The following STK32B variants were observed in gnomAD, a reference collection of about 807,000 sequenced individuals.
STK32B encodes the protein serine/threonine-protein kinase 32B.
A neutral mutation model predicts 52.6 loss-of-function variants in STK32B; 43 were observed. That is an observed-to-expected ratio of 0.82 (90% CI 0.64 to 1.05). STK32B has a LOEUF of 1.05. Among genes scored for constraint, STK32B ranks in the 50% least tolerant of loss-of-function variants. STK32B has a pLI of 0.00. For synonymous variants in STK32B, 238 were observed against 204.3 expected (o/e 1.17, Z -1.41); for missense variants, 621 against 534.6 (o/e 1.16, Z -1.59).
At chr4:5,029,010 A>T in the STK32B span, among the ~76,000 whole-genome samples, 1 of 152,206 alleles carries the variant, frequency 6.6e-6, no homozygotes, top group Non-Finnish European at 1.5e-5. Context: ...GGGTCTCAGG[A>T]GAACTCACTA....
At chr4:5,462,943 G>A (rs1315821325) in intron 9 of STK32B, among the ~76,000 whole-genome samples, 5 of 152,150 alleles carry the variant, frequency 3.3e-5, no homozygotes, top group Middle Eastern at 3.2e-3. Context: ...CAGGGCCCTC[G>A]GAAGGAGACC....
At chr4:5,042,231 T>C in the STK32B span, among the ~76,000 whole-genome samples, 1 of 152,260 alleles carries the variant, frequency 6.6e-6, no homozygotes, top group African/African-American at 2.4e-5. Context: ...CAACCCCTTG[T>C]TAGAGCCACA....
chr4:5,035,793 T>C, the STK32B span, among the ~76,000 whole-genome samples: 1 of 152,004 alleles, frequency 6.6e-6, no homozygotes, highest in Non-Finnish European at 1.5e-5. Flanking sequence ...TTTTTTTTTT[T>C]TTTTTTGAGG....
chr4:5,391,125 A>AT (rs368367900), intron 4 of STK32B, among the ~76,000 whole-genome samples: 1 of 151,476 alleles, frequency 6.6e-6, no homozygotes, highest in Non-Finnish European at 1.5e-5. Context: ...CACCTGGCTA[A>AT]TTTTTTTGTA....
chr4:5,320,707 C>T lies in STK32B; in HGVS notation c.261-10513C>T, dbSNP rs573300114. 7.0e-4 allele frequency among the ~76,000 whole-genome samples: 106 copies of T among 152,208 alleles called. No individual in the cohort carries two copies. The Middle Eastern group carries it at 0.01, about 15-fold the overall frequency. ...ACAAGACCATGTTACTGCAAAAGCCCAAAACTAAAACATCATTAACTATAT... is the reference window on the plus strand; with the variant it reads ...ACAAGACCATGTTACTGCAAAAGCCTAAAACTAAAACATCATTAACTATAT... On this transcript the variant is annotated intron_variant, in intron 3 of 11. Coordinates refer to ENST00000282908, the MANE Select transcript of STK32B (RefSeq NM_018401.3).
intron 6 of STK32B, among the ~76,000 whole-genome samples, chr4:5,436,412 G>C (rs572805508): frequency 2.6e-5 from 4 of 152,304 alleles, no homozygotes; most frequent in African/African-American, 9.6e-5. Flanking sequence ...AAAGGACATG[G>C]ATCCAGTGGC....
chr4:5,312,332 C>T (rs1730349162), intron 3 of STK32B, among the ~76,000 whole-genome samples: 1 of 151,546 alleles, frequency 6.6e-6, no homozygotes, highest in Non-Finnish European at 1.5e-5. Flanking sequence ...TACATGTGCA[C>T]AATGTGCAGG....
intron 4 of STK32B, among the ~76,000 whole-genome samples, chr4:5,397,159 T>C (rs1385225605): frequency 2.6e-5 from 4 of 152,264 alleles, no homozygotes; most frequent in Non-Finnish European, 5.9e-5. Flanking sequence ...GCAGTTGCTC[T>C]TTATTTTGAA....
At chr4:5,090,585 G>T (rs559833775) in intron 1 of STK32B, among the ~76,000 whole-genome samples, 2 of 152,062 alleles carry the variant, frequency 1.3e-5, no homozygotes, top group African/African-American at 4.8e-5. Context: ...GGATGGTCTC[G>T]ATCTCCTGAC....
chr4:5,071,544 G>A (rs1711777071), intron 1 of STK32B, among the ~76,000 whole-genome samples: 1 of 152,096 alleles, frequency 6.6e-6, no homozygotes, highest in Non-Finnish European at 1.5e-5. Context: ...TTATTTTTAA[G>A]CACACTTTCC....
At chr4:5,316,351 A>T (rs1205019499) in intron 3 of STK32B, among the ~76,000 whole-genome samples, 1 of 34,612 alleles carries the variant, frequency 2.9e-5, no homozygotes, top group Non-Finnish European at 3.8e-5. Context: ...ATATTATATC[A>T]TATATTATAT....
chr4:5,337,837 A>G (rs2108964966), intron 4 of STK32B, among the ~76,000 whole-genome samples: 1 of 152,296 alleles, frequency 6.6e-6, no homozygotes, highest in South Asian at 2.1e-4. Context: ...TAATCCTATC[A>G]CCTAAACCCT....
intron 4 of STK32B, among the ~76,000 whole-genome samples, chr4:5,338,017 T>G (rs1732820377): frequency 6.6e-6 from 1 of 152,150 alleles, no homozygotes; most frequent in South Asian, 2.1e-4. Flanking sequence ...TCATTAGAAG[T>G]CTATCATTTA....
chr4:5,353,816 A>G (rs59992451), intron 4 of STK32B, among the ~76,000 whole-genome samples: 1 of 152,206 alleles, frequency 6.6e-6, no homozygotes, highest in Non-Finnish European at 1.5e-5. Flanking sequence ...TACAACTACC[A>G]TGGAAAACAG....
In STK32B at chr4:5,274,015, AAAC is replaced by A. The variant is rs539391245; in HGVS notation, c.261-57202_261-57200del. On this transcript the variant is annotated intron_variant, in intron 3 of 11. Coordinates refer to ENST00000282908, the MANE Select transcript of STK32B (RefSeq NM_018401.3). ...ATAAAAAAAAAGAAACAAAAAAACA[AAAC>A]AAACAAAAAAAAGACTCAATATTGC... Among the ~76,000 whole-genome samples the A allele has an allele frequency of 6.4e-3, 968 of 152,224 alleles. 6 individuals carry two copies. Among genetic ancestry groups the A allele is most frequent in the Non-Finnish European group, 0.011 (747 of 68,002 alleles).
intron 3 of STK32B, among the ~76,000 whole-genome samples, chr4:5,283,570 A>G (rs1363719529): frequency 3.3e-5 from 5 of 152,172 alleles, no homozygotes; most frequent in African/African-American, 1.2e-4. Flanking sequence ...AATTAAACAC[A>G]AAGAATACTG....
intron 3 of STK32B, among the ~76,000 whole-genome samples, chr4:5,241,914 T>G (rs957345354): frequency 1.3e-5 from 2 of 152,222 alleles, no homozygotes; most frequent in Non-Finnish European, 2.9e-5. Flanking sequence ...ACTCATCATT[T>G]TTTATGGCTG....
At position 5,398,490 on chromosome 4, in the gene STK32B, TGAG is replaced by T. The variant is rs918531000; in HGVS notation, c.472+252_472+254del. Reference sequence around the variant, plus strand: ...AGTCATTGCTGTTCATATCCCCGTGTGAGGAGGACAGGGCCGCCGTGAGGATGA... The same window carrying T: ...AGTCATTGCTGTTCATATCCCCGTGTGAGGACAGGGCCGCCGTGAGGATGA... On this transcript the variant is annotated intron_variant, in intron 5 of 11. Transcript: ENST00000282908. The surrounding 1 kb of genome is among the most constrained non-coding windows in gnomAD (Gnocchi z 4.9). Among the ~76,000 whole-genome samples the T allele has an allele frequency of 1.4e-4, 21 of 152,298 alleles. No individual in the cohort carries two copies. Among genetic ancestry groups the T allele is most frequent in the African/African-American group, 4.1e-4 (17 of 41,566 alleles).
intron 3 of STK32B, among the ~76,000 whole-genome samples, chr4:5,211,554 T>C (rs1239408242): frequency 6.6e-6 from 1 of 152,144 alleles, no homozygotes; most frequent in Non-Finnish European, 1.5e-5. Context: ...TCTGGGACTC[T>C]GTCCAGGGAG....
Sources: allele counts gnomAD v4.1 joint callset (sites outside exome capture counted in the v4.1 genomes callset), GRCh38; gene constraint gnomAD v4.1.1; non-coding constraint Gnocchi (gnomAD v3.1); transcripts MANE v1.5; gene names NCBI Gene and HGNC (gene_info 2026-07-23, HGNC 2026-07-21).